Variants in CPQ observed in about 807,000 individuals in gnomAD.
The protein encoded by CPQ is Ser-Met dipeptidase.
Under a neutral mutation model 45.7 loss-of-function variants are expected in CPQ, and 37 were observed. The observed-to-expected ratio is 0.81, with a 90% CI of 0.62 to 1.07. The LOEUF (loss-of-function observed/expected upper bound fraction) is 1.07, where lower values mean the gene tolerates loss of function less well. CPQ is among the 50% of genes least tolerant of loss of function. CPQ has a pLI of 0.00. For missense variants in CPQ, 537 were observed against 572.9 expected (o/e 0.94, Z 0.64); for synonymous variants, 186 against 205.8 (o/e 0.90, Z 0.82).
Position 97,039,477 on chromosome 8 carries a change from CTTCTT to C in CPQ, c.1053+9986_1053+9990del, listed in dbSNP as rs1473999312. On this transcript the variant is annotated intron_variant, in intron 6 of 7. Transcript: ENST00000220763. Reference sequence around the variant, plus strand: ...TTGTGATTCTTTTTTTTTTGAGTGACTTCTTTTATTATTATTATTATTATACTTTA... The same window carrying C: ...TTGTGATTCTTTTTTTTTTGAGTGACTTATTATTATTATTATTATACTTTA... Among the ~76,000 whole-genome samples, 13 of 146,986 alleles carry C rather than the reference CTTCTT, an allele frequency of 8.8e-5. No homozygotes were observed. The South Asian group carries it at 1.5e-3, about 17-fold the overall frequency.
chr8:96,738,993 G>A (rs1810037653), intron 1 of CPQ, among the ~76,000 whole-genome samples: 1 of 151,534 alleles, frequency 6.6e-6, no homozygotes, highest in Admixed American at 6.6e-5. Context: ...GGATGGCTGG[G>A]TCAAATGGTA....
At chr8:96,949,651 G>A (rs1813233590) in intron 4 of CPQ, among the ~76,000 whole-genome samples, 2 of 152,060 alleles carry the variant, frequency 1.3e-5, no homozygotes, top group Non-Finnish European at 2.9e-5. Flanking sequence ...AGTGTGTCGT[G>A]TTTTTTGTTG....
intron 1 of CPQ, among the ~76,000 whole-genome samples, chr8:96,663,736 C>T (rs755107188): frequency 1.3e-5 from 2 of 151,946 alleles, no homozygotes; most frequent in Non-Finnish European, 2.9e-5. Flanking sequence ...TTCTATTGAA[C>T]AAATATTGTG....
chr8:97,122,947 A>AAAAT (rs1811743500), intron 7 of CPQ, among the ~76,000 whole-genome samples: 1 of 83,496 alleles, frequency 1.2e-5, no homozygotes, highest in African/African-American at 6.8e-5. Context: ...AAAATAAAAT[A>AAAAT]AAATAAAATA....
chr8:97,056,507 T>G (rs376191435), intron 6 of CPQ: 6 of 152,280 alleles, frequency 3.9e-5, no homozygotes, highest in Middle Eastern at 3.4e-3. Flanking sequence ...AGAATGCATT[T>G]CCAGGAGTAA....
At chr8:97,032,024 G>A (rs1211311105) in intron 6 of CPQ, among the ~76,000 whole-genome samples, 1 of 152,052 alleles carries the variant, frequency 6.6e-6, no homozygotes, top group Non-Finnish European at 1.5e-5. Context: ...AATATAATAA[G>A]CAAGTCACAA....
Position 96,987,558 on chromosome 8 carries a change from T to A in CPQ, c.961+21512T>A, listed in dbSNP as rs756965039. ...TTGGGATGCACATCAGAAAATCAGA[T>A]GAGAAGTCCGCGTTTGTCTGTTTTG... On this transcript the variant is annotated intron_variant, in intron 5 of 7. Transcript: ENST00000220763. 1.6e-4 allele frequency among the ~76,000 whole-genome samples: 24 copies of A among 152,174 alleles called. 1 individual carries two copies. The highest frequency in any genetic ancestry group is 2.2e-4 in the Non-Finnish European group (15 of 68,028).
At chr8:97,089,404 A>G (rs1270871515) in intron 7 of CPQ, among the ~76,000 whole-genome samples, 1 of 152,228 alleles carries the variant, frequency 6.6e-6, no homozygotes, top group Non-Finnish European at 1.5e-5. Context: ...AAGTAATTCC[A>G]ATGATCCAGG....
At chr8:96,952,228 AG>A (rs1813278749) in intron 4 of CPQ, among the ~76,000 whole-genome samples, 1 of 152,168 alleles carries the variant, frequency 6.6e-6, no homozygotes, top group African/African-American at 2.4e-5. Flanking sequence ...TGAAGCATAC[AG>A]AGGGATATGA....
At chr8:96,926,619 TCTTCTCCTCCTTCTC>T (rs1165955078) in intron 4 of CPQ, among the ~76,000 whole-genome samples, 13 of 145,100 alleles carry the variant, frequency 9.0e-5, no homozygotes, top group African/African-American at 2.9e-4. Flanking sequence ...TTCTTCTTCT[TCTTCTCCTCCTTCTC>T]CTTCTTCTTC....
At chr8:96,909,104 G>A (rs558036132) in intron 4 of CPQ, among the ~76,000 whole-genome samples, 91 of 152,264 alleles carry the variant, frequency 6.0e-4, no homozygotes, top group African/African-American at 2.1e-3. Flanking sequence ...TGCCTGTGAT[G>A]TGCAATGTGC....
intron 1 of CPQ, among the ~76,000 whole-genome samples, chr8:96,776,569 AT>A (rs1810607634): frequency 1.3e-5 from 2 of 152,220 alleles, no homozygotes; most frequent in Admixed American, 1.3e-4. Context: ...TCGAATGATA[AT>A]TTTTAGGAGA....
intron 7 of CPQ, chr8:97,092,601 G>A (rs1811144551): frequency 6.6e-6 from 1 of 152,096 alleles, no homozygotes; most frequent in South Asian, 2.1e-4. Flanking sequence ...AATGCTGCTG[G>A]GATAACTGAC....
intron 3 of CPQ, among the ~76,000 whole-genome samples, chr8:96,836,448 T>C (rs541432358): frequency 6.6e-6 from 1 of 152,170 alleles, no homozygotes; most frequent in Non-Finnish European, 1.5e-5. Flanking sequence ...TACATTGATG[T>C]CATAGTGCTA....
At chr8:96,800,626 T>C (rs1331895811) in intron 2 of CPQ, among the ~76,000 whole-genome samples, 1 of 152,078 alleles carries the variant, frequency 6.6e-6, no homozygotes, top group Non-Finnish European at 1.5e-5. Context: ...GACAAAACAG[T>C]TGGAAGCAAT....
Position 96,785,005 on chromosome 8 carries a change from A to G in CPQ, c.108A>G (p.Ile36Met). 1.2e-6 allele frequency: 2 copies of G among 1,613,832 alleles called. No homozygotes were observed. ...TCTCTAAGAGGACTTTTGAAGAAAT[A>G]AAAGAAGAAATAGCCAGCTGTGGAG... is the stretch of plus-strand genomic sequence containing the variant. ...NGISKRTFEE[I>M]KEEIASCGDV... The change falls in exon 2 of 8, where the codon ATA becomes ATG. Residue 36 changes from isoleucine (I) to methionine (M), a missense_variant. Physicochemically the swap from Ile to Met is conservative, Grantham distance 10. Coordinates refer to ENST00000220763, the MANE Select transcript of CPQ (RefSeq NM_016134.4).
intron 4 of CPQ, among the ~76,000 whole-genome samples, chr8:96,935,672 T>C (rs1376044948): frequency 6.6e-6 from 1 of 152,156 alleles, no homozygotes; most frequent in Non-Finnish European, 1.5e-5. Flanking sequence ...GAGTATAACA[T>C]GGAAATTTGG....
At position 96,785,072 on chromosome 8, in the gene CPQ, G is replaced by A; in HGVS notation, c.175G>A (p.Ala59Thr). Residue 59 changes from alanine (A) to threonine (T), a missense_variant, in exon 2 of 8, where the codon GCC becomes ACC. By Grantham distance (58) the Ala-to-Thr change is moderately conservative. Coordinates refer to ENST00000220763, the MANE Select transcript of CPQ (RefSeq NM_016134.4). ...CATCAACCTAGCTGTTTATGGTAAAGCCCAGAACAGATCCTATGAGCGATT... is the reference window on the plus strand; with the variant it reads ...CATCAACCTAGCTGTTTATGGTAAAACCCAGAACAGATCCTATGAGCGATT... ...AIINLAVYGK[A>T]QNRSYERLAL... The A allele has an allele frequency of 1.2e-6, 2 of 1,613,804 alleles. No individual in the cohort carries two copies. The highest frequency in any genetic ancestry group is 1.7e-6 in the Non-Finnish European group (2 of 1,179,830).
chr8:96,663,870 A>AAT (rs1461821475), intron 1 of CPQ, among the ~76,000 whole-genome samples: 1 of 152,172 alleles, frequency 6.6e-6, no homozygotes, highest in Admixed American at 6.5e-5. Flanking sequence ...AACATAAAGG[A>AAT]AGTGAGGAAG....
Sources: allele counts gnomAD v4.1 joint callset (sites outside exome capture counted in the v4.1 genomes callset), GRCh38; gene constraint gnomAD v4.1.1; transcripts MANE v1.5; gene names NCBI Gene and HGNC (gene_info 2026-07-23, HGNC 2026-07-21).